The following RPRD2 variants were observed in gnomAD, a reference collection of about 807,000 sequenced individuals.
The protein encoded by RPRD2 is regulation of nuclear pre-mRNA domain containing 2.
A neutral mutation model predicts 104.4 loss-of-function variants in RPRD2; 12 were observed. That is an observed-to-expected ratio of 0.11 (90% CI 0.07 to 0.19). The LOEUF (loss-of-function observed/expected upper bound fraction) is 0.19. Ranked by LOEUF, RPRD2 falls within the 10% of genes least tolerant of loss-of-function variation. The pLI is 1.00. For missense variants in RPRD2, 1,543 were observed against 1,790.1 expected (o/e 0.86, Z 2.49); for synonymous variants, 714 against 684.9 (o/e 1.04, Z -0.66).
chr1:150,473,173 C>A lies in RPRD2; in HGVS notation c.4225C>A (p.Arg1409=). ...LGPSHRDTIS[R]SGIILRSPRP... ...TCCCTCACACAGAGACACCATCAGCCGGAGTGGTATAATCTTACGGAGTCC... is the reference window on the plus strand; with the variant it reads ...TCCCTCACACAGAGACACCATCAGCAGGAGTGGTATAATCTTACGGAGTCC... Residue 1409 remains arginine, a synonymous_variant, in exon 11 of 11, where the codon CGG becomes AGG. Transcript: ENST00000369068. 1.2e-6 allele frequency: 2 copies of A among 1,613,984 alleles called. No individual in the cohort carries two copies. The highest frequency in any genetic ancestry group is 1.7e-6 in the Non-Finnish European group (2 of 1,179,882).
chr1:150,458,249 C>CT (rs1667678509), intron 8 of RPRD2, among the ~76,000 whole-genome samples: 2 of 152,162 alleles, frequency 1.3e-5, no homozygotes, highest in African/African-American at 4.8e-5. Context: ...GAGCCCAGGA[C>CT]TTTGAGACCA....
chr1:150,383,343 T>C (rs2102140820), intron 1 of RPRD2, among the ~76,000 whole-genome samples: 1 of 141,096 alleles, frequency 7.1e-6, no homozygotes, highest in Admixed American at 7.4e-5. Context: ...GGAGTCTTGC[T>C]CTGTTGCCTA....
rs368473467 is a variant in RPRD2 at position 150,377,376 on chromosome 1, G to A, written c.205+12457G>A. Among the ~76,000 whole-genome samples, 13 of 151,912 alleles carry A rather than the reference G, an allele frequency of 8.6e-5. No individual in the cohort carries two copies. The South Asian group carries it at 1.0e-3, about 12-fold the overall frequency. On this transcript the variant is annotated intron_variant, in intron 1 of 10. Transcript: ENST00000369068. ...AGTACTTTGGGAGGCCGAGGCGGGC[G>A]GATCACGAGGTCAGGAGATTGAGAC... is the stretch of plus-strand genomic sequence containing the variant.
intron 1 of RPRD2, among the ~76,000 whole-genome samples, chr1:150,379,637 G>A (rs587609237): frequency 6.6e-6 from 1 of 152,238 alleles, no homozygotes; most frequent in East Asian, 1.9e-4. Context: ...CCCAACCTCA[G>A]GTGATCTGCC....
chr1:150,429,274 T>C (rs1430537266), intron 2 of RPRD2, among the ~76,000 whole-genome samples: 5 of 152,140 alleles, frequency 3.3e-5, no homozygotes, highest in African/African-American at 1.2e-4. Context: ...GTATTTTTAG[T>C]AGAGACGGGG....
chr1:150,458,701 G>A (rs782190748), intron 8 of RPRD2, among the ~76,000 whole-genome samples: 3 of 151,958 alleles, frequency 2.0e-5, no homozygotes, highest in East Asian at 1.9e-4. Context: ...GTGCAGTTGC[G>A]CAATCTTGGC....
chr1:150,436,219 G>T (rs1272681401), intron 2 of RPRD2, among the ~76,000 whole-genome samples: 3 of 152,028 alleles, frequency 2.0e-5, no homozygotes, highest in Non-Finnish European at 4.4e-5. Context: ...TGTATAAGGA[G>T]ATTGATGTTA....
intron 1 of RPRD2, among the ~76,000 whole-genome samples, chr1:150,371,471 C>T (rs141420859): frequency 5.3e-5 from 8 of 152,122 alleles, no homozygotes; most frequent in African/African-American, 1.9e-4. Context: ...TCACTCCATT[C>T]TCCTGCCTCA....
Position 150,474,931 on chromosome 1 carries a change from TTTTC to T in RPRD2, c.*1598_*1601del, listed in dbSNP as rs1668814536. ...AGAAAATGATTCTCTCAGAATGAAC[TTTTC>T]AGAGAAAGAGCAGCATAAACCAGGT... On this transcript the variant is annotated 3_prime_UTR_variant, in exon 11 of 11. Transcript: ENST00000369068. The T allele has an allele frequency of 6.6e-6, 1 of 152,190 alleles. No individual in the cohort carries two copies. Among genetic ancestry groups the T allele is most frequent in the Admixed American group, 6.5e-5 (1 of 15,278 alleles). 9.4% of individuals were successfully genotyped at this position (152,190 alleles called of 1,614,324 possible).
At chr1:150,456,273 G>A (rs1471339955) in intron 7 of RPRD2, among the ~76,000 whole-genome samples, 1 of 151,986 alleles carries the variant, frequency 6.6e-6, no homozygotes, top group Non-Finnish European at 1.5e-5. Flanking sequence ...ATATTGGTTG[G>A]TTGGATAGAT....
chr1:150,364,525 G>C lies in RPRD2; in HGVS notation c.-190G>C, dbSNP rs1350031157. 3 of 549,416 alleles carry C rather than the reference G, an allele frequency of 5.5e-6. No individual in the cohort carries two copies. The highest frequency in any genetic ancestry group is 9.6e-6 in the Non-Finnish European group (3 of 313,606). The allele number at this position is 549,416 out of a possible 1,614,324, so 34.0% of individuals were successfully genotyped here. On this transcript the variant is annotated 5_prime_UTR_variant, in exon 1 of 11. Coordinates refer to ENST00000369068, the MANE Select transcript of RPRD2 (RefSeq NM_015203.5). ...CCCCTCCTTGCAGCGTGTAGGAGCT[G>C]CCAGCGTGCCCAGCAGCTGGTGTTC...
chr1:150,422,591 A>G (rs1664846434), intron 2 of RPRD2, among the ~76,000 whole-genome samples: 1 of 152,102 alleles, frequency 6.6e-6, no homozygotes, highest in South Asian at 2.1e-4. Context: ...GCTGATGGCC[A>G]TGAAGAAATA....
chr1:150,423,792 A>AT (rs151188685), intron 2 of RPRD2, among the ~76,000 whole-genome samples: 2,771 of 145,562 alleles, frequency 0.019, 75 homozygotes, highest in Admixed American at 0.07. Flanking sequence ...CTGAAAACAA[A>AT]TTTTTTTTTT....
chr1:150,463,185 A>G (rs1668051688), intron 9 of RPRD2, among the ~76,000 whole-genome samples: 1 of 152,086 alleles, frequency 6.6e-6, no homozygotes, highest in South Asian at 2.1e-4. Context: ...TTTGCCAGGC[A>G]AGGTGGGATA....
At chr1:150,390,795 G>T (rs1351816598) in intron 1 of RPRD2, among the ~76,000 whole-genome samples, 1 of 152,086 alleles carries the variant, frequency 6.6e-6, no homozygotes, top group Non-Finnish European at 1.5e-5. Context: ...AGTCTAACAT[G>T]TGTGATTGAA....
At chr1:150,411,338 G>A (rs1000626312) in intron 1 of RPRD2, among the ~76,000 whole-genome samples, 12 of 144,138 alleles carry the variant, frequency 8.3e-5, no homozygotes, top group East Asian at 4.2e-4. Flanking sequence ...ATGCGCACCC[G>A]TAGTCCCAGT....
intron 2 of RPRD2, among the ~76,000 whole-genome samples, chr1:150,432,794 A>C (rs184611071): frequency 6.6e-6 from 1 of 151,950 alleles, no homozygotes; most frequent in Non-Finnish European, 1.5e-5. Context: ...CCTGGGCAAC[A>C]TGGTGAGATT....
At position 150,364,555 on chromosome 1, in the gene RPRD2, C is replaced by T; in HGVS notation, c.-160C>T. On this transcript the variant is annotated 5_prime_UTR_variant, in exon 1 of 11. Transcript: ENST00000369068. ...CGTGCCCAGCAGCTGGTGTTCCCGT[C>T]CGTACCTCCAGAAGAGCCCAGCGCG... is the stretch of plus-strand genomic sequence containing the variant. 2 of 574,260 alleles carry T rather than the reference C, an allele frequency of 3.5e-6. No individual in the cohort carries two copies. Among genetic ancestry groups the T allele is most frequent in the East Asian group, 2.9e-5 (1 of 34,380 alleles). The allele number at this position is 574,260 out of a possible 1,614,324, so 35.6% of individuals were successfully genotyped here. A position where few individuals can be genotyped will look rare whatever the true frequency, so the allele number is the denominator to read the frequency against.
intron 2 of RPRD2, among the ~76,000 whole-genome samples, chr1:150,425,504 G>A (rs1401823005): frequency 6.6e-6 from 1 of 151,880 alleles, no homozygotes; most frequent in Non-Finnish European, 1.5e-5. Context: ...TTAGCCAGGC[G>A]TGGTGGCGCA....
Sources: allele counts gnomAD v4.1 joint callset (sites outside exome capture counted in the v4.1 genomes callset), GRCh38; gene constraint gnomAD v4.1.1; transcripts MANE v1.5; gene names NCBI Gene and HGNC (gene_info 2026-07-23, HGNC 2026-07-21).